PLCH1: variants seen among roughly 807,000 people sequenced by gnomAD.
PLCH1 encodes the protein 1-phosphatidylinositol 4,5-bisphosphate phosphodiesterase eta-1.
A neutral mutation model predicts 126.7 loss-of-function variants in PLCH1; 60 were observed. The observed-to-expected ratio is 0.47, with a 90% CI of 0.38 to 0.59. The LOEUF (loss-of-function observed/expected upper bound fraction) is 0.59, where lower values mean the gene tolerates loss of function less well. Ranked by LOEUF, PLCH1 falls within the 20% of genes least tolerant of loss-of-function variation. The pLI is 0.00. For synonymous variants in PLCH1, 719 were observed against 734.9 expected (o/e 0.98, Z 0.35); for missense variants, 1,723 against 2,040.0 (o/e 0.84, Z 2.99).
chr3:155,636,408 G>A (rs1577207228), intron 2 of PLCH1, among the ~76,000 whole-genome samples: 2 of 152,106 alleles, frequency 1.3e-5, no homozygotes, highest in Non-Finnish European at 2.9e-5. Flanking sequence ...TTTTTTAAGG[G>A]GAAGCTTCTA....
At chr3:155,472,895 C>T (rs1366351633) in intron 21 of PLCH1, among the ~76,000 whole-genome samples, 1 of 151,420 alleles carries the variant, frequency 6.6e-6, no homozygotes, top group Non-Finnish European at 1.5e-5. Flanking sequence ...ATACTAAAAA[C>T]TCTCAATAAA....
At chr3:155,492,882 CAT>C in intron 17 of PLCH1, 29 bp from the exon 18 acceptor site, 1 of 1,545,416 alleles carries the variant, frequency 6.5e-7, no homozygotes, top group East Asian at 2.3e-5. Flanking sequence ...AAGTTGGTAA[CAT>C]AAGAAGAAAC....
chr3:155,726,942 G>A (rs1351621041), intron 1 of PLCH1, among the ~76,000 whole-genome samples: 2 of 146,270 alleles, frequency 1.4e-5, no homozygotes, highest in Non-Finnish European at 1.5e-5. Flanking sequence ...GGATGGTCTC[G>A]AACTCCTGAC....
At chr3:155,455,747 C>A (rs994191853) in intron 21 of PLCH1, among the ~76,000 whole-genome samples, 3 of 152,310 alleles carry the variant, frequency 2.0e-5, no homozygotes, top group Admixed American at 6.5e-5. Flanking sequence ...ACAGAATATT[C>A]TTTACTTCTA....
chr3:155,687,177 A>G (rs889561248), intron 2 of PLCH1, among the ~76,000 whole-genome samples: 5 of 152,208 alleles, frequency 3.3e-5, no homozygotes, highest in Admixed American at 6.5e-5. Flanking sequence ...AAAGCAATAA[A>G]TTTATCAATG....
At chr3:155,632,140 G>T (rs552251926) in intron 2 of PLCH1, among the ~76,000 whole-genome samples, 2 of 152,234 alleles carry the variant, frequency 1.3e-5, no homozygotes, top group African/African-American at 4.8e-5. Context: ...TGGCTTGAAA[G>T]GGCCATGTCA....
intron 8 of PLCH1, among the ~76,000 whole-genome samples, chr3:155,555,022 T>C (rs887874529): frequency 2.6e-5 from 4 of 152,254 alleles, no homozygotes; most frequent in Admixed American, 6.5e-5. Flanking sequence ...TGTTTTTATA[T>C]TTTGCCCCCA....
At chr3:155,575,619 A>G (rs1729836421) in intron 6 of PLCH1, among the ~76,000 whole-genome samples, 1 of 152,228 alleles carries the variant, frequency 6.6e-6, no homozygotes, top group Admixed American at 6.5e-5. Context: ...TTGACTTACA[A>G]TAAAGGTAGC....
In PLCH1 at chr3:155,596,245, A is replaced by G. The variant is rs359569; in HGVS notation, c.213T>C (p.Ser71=). 1,079,229 of 1,610,820 alleles carry G rather than the reference A, an allele frequency of 0.67. 370,695 individuals are homozygous for G. The highest frequency in any genetic ancestry group is 0.72 in the Middle Eastern group (4,342 of 6,056). The change falls in exon 3 of 23, where the codon AGT becomes AGC. Residue 71 remains serine (S), a synonymous_variant. Coordinates refer to ENST00000460012, the MANE Select transcript of PLCH1 (RefSeq NM_014996.4). ...GATTTGTTTTACTTTTTGCCTTCTC[A>G]CTCTTCCTAGAGGGTCGCCATCGGA... is the stretch of plus-strand genomic sequence containing the variant. ...TRLRWRPSRK[S]EKAKILIDSI... is the part of the protein sequence containing the mutation.
At chr3:155,613,299 A>G (rs896124708) in intron 2 of PLCH1, among the ~76,000 whole-genome samples, 10 of 152,204 alleles carry the variant, frequency 6.6e-5, no homozygotes, top group African/African-American at 9.6e-5. Flanking sequence ...AAATCATGCT[A>G]TGAAGCCAGT....
At chr3:155,457,595 C>T (rs1712482435) in intron 21 of PLCH1, 2 of 152,140 alleles carry the variant, frequency 1.3e-5, no homozygotes, top group Non-Finnish European at 2.9e-5. Flanking sequence ...TTAACCCATG[C>T]TTGCCTTTGT....
At chr3:155,550,061 A>C in intron 9 of PLCH1, 103 bp from the exon 10 acceptor site, 1 of 720,808 alleles carries the variant, frequency 1.4e-6, no homozygotes. Context: ...TCCTAGTGAC[A>C]GTATTTGCGA....
chr3:155,562,572 A>G (rs1727778703), intron 8 of PLCH1, among the ~76,000 whole-genome samples: 1 of 152,174 alleles, frequency 6.6e-6, no homozygotes, highest in South Asian at 2.1e-4. Flanking sequence ...ATGGGATCAA[A>G]GGGAGTCTAA....
intron 21 of PLCH1, among the ~76,000 whole-genome samples, chr3:155,462,467 G>A (rs971984689): frequency 1.3e-5 from 2 of 152,210 alleles, no homozygotes; most frequent in African/African-American, 4.8e-5. Context: ...AGTGCAGCTT[G>A]ATTTGCCCAT....
chr3:155,476,327 G>T (rs1713544733), downstream of PLCH1, among the ~76,000 whole-genome samples: 1 of 152,078 alleles, frequency 6.6e-6, no homozygotes, highest in Non-Finnish European at 1.5e-5. Flanking sequence ...CAGACCCACA[G>T]CTAGTATCAT....
intron 2 of PLCH1, among the ~76,000 whole-genome samples, chr3:155,682,941 C>A (rs1744651351): frequency 6.6e-6 from 1 of 152,174 alleles, no homozygotes; most frequent in Non-Finnish European, 1.5e-5. Flanking sequence ...ACTCAGAGAG[C>A]AGGCTTATTG....
At chr3:155,700,869 C>T (rs992950555) in intron 2 of PLCH1, among the ~76,000 whole-genome samples, 4 of 152,024 alleles carry the variant, frequency 2.6e-5, no homozygotes, top group Non-Finnish European at 4.4e-5. Context: ...GGGTTCATAC[C>T]GCACCAAACA....
intron 2 of PLCH1, among the ~76,000 whole-genome samples, chr3:155,624,835 T>C (rs1166107368): frequency 6.6e-6 from 1 of 152,128 alleles, no homozygotes; most frequent in Non-Finnish European, 1.5e-5. Flanking sequence ...ATTTATAGAT[T>C]CAATGCTCTC....
intron 2 of PLCH1, among the ~76,000 whole-genome samples, chr3:155,657,214 A>C (rs1741502386): frequency 6.6e-6 from 1 of 152,210 alleles, no homozygotes; most frequent in African/African-American, 2.4e-5. Context: ...AAGGCTTTGG[A>C]GTCAAGCAAT....
Sources: gnomAD v4.1 joint callset for allele counts (sites outside exome capture counted in the v4.1 genomes callset) on GRCh38, gnomAD v4.1.1 for gene constraint, MANE v1.5 for transcripts, NCBI Gene and HGNC (gene_info 2026-07-23, HGNC 2026-07-21) for gene names.